Variants in LRRC4C observed in about 807,000 individuals in gnomAD.
The protein encoded by LRRC4C is leucine-rich repeat-containing protein 4C.
Under a neutral mutation model 33.6 loss-of-function variants are expected in LRRC4C, and 5 were observed. The ratio of observed to expected loss-of-function variants is 0.15; its 90% CI spans 0.08 to 0.31. LRRC4C has a LOEUF of 0.31. Among genes scored for constraint, LRRC4C ranks in the 10% least tolerant of loss-of-function variants. LRRC4C has a pLI of 1.00. For synonymous variants in LRRC4C, 329 were observed against 302.0 expected, an observed-to-expected ratio of 1.09 and a Z score of -0.93; for missense variants, 560 against 796.7, an observed-to-expected ratio of 0.70 and a Z score of 3.58.
intron 2 of LRRC4C, among the ~76,000 whole-genome samples, chr11:40,929,238 C>T (rs574147469): frequency 1.3e-5 from 2 of 152,054 alleles, no homozygotes; most frequent in Non-Finnish European, 2.9e-5. Context: ...CAAATATGGC[C>T]ATCCATGCCA....
chr11:40,461,737 ATCT>A (rs1300756305), intron 3 of LRRC4C, among the ~76,000 whole-genome samples: 6 of 149,746 alleles, frequency 4.0e-5, no homozygotes, highest in African/African-American at 9.7e-5. Context: ...TATTATAATA[ATCT>A]TCTTTAAAAT....
At chr11:40,513,290 A>G (rs1955417623) in intron 3 of LRRC4C, among the ~76,000 whole-genome samples, 1 of 150,704 alleles carries the variant, frequency 6.6e-6, no homozygotes, top group South Asian at 2.1e-4. Context: ...AAAAAAATCC[A>G]CTCTAACAAT....
intron 3 of LRRC4C, among the ~76,000 whole-genome samples, chr11:40,460,006 C>A (rs1192072489): frequency 6.6e-6 from 1 of 152,110 alleles, no homozygotes; most frequent in Non-Finnish European, 1.5e-5. Context: ...AGCAACAATG[C>A]AATTTTTCAG....
chr11:40,641,956 G>A (rs897776209), intron 3 of LRRC4C, among the ~76,000 whole-genome samples: 2 of 150,880 alleles, frequency 1.3e-5, no homozygotes, highest in East Asian at 3.9e-4. Flanking sequence ...CTTGGGTGAT[G>A]TTTCAGGTTA....
chr11:40,490,544 T>C (rs1954096351), intron 3 of LRRC4C, among the ~76,000 whole-genome samples: 1 of 152,152 alleles, frequency 6.6e-6, no homozygotes, highest in Non-Finnish European at 1.5e-5. Context: ...AGACATTCAA[T>C]GTTCTTTATT....
chr11:40,135,504 A>C (rs1317271049), intron 6 of LRRC4C, among the ~76,000 whole-genome samples: 1 of 152,200 alleles, frequency 6.6e-6, no homozygotes, highest in African/African-American at 2.4e-5. Flanking sequence ...AAAATATTTC[A>C]TGGGAAAAAA....
intron 2 of LRRC4C, among the ~76,000 whole-genome samples, chr11:40,742,966 A>G (rs1343305832): frequency 1.3e-5 from 2 of 152,104 alleles, no homozygotes; most frequent in African/African-American, 4.8e-5. Context: ...GAAATGCAAA[A>G]CAGAATGTAA....
chr11:41,256,748 G>A (rs1387456250), intron 1 of LRRC4C, among the ~76,000 whole-genome samples: 1 of 151,880 alleles, frequency 6.6e-6, no homozygotes, highest in Non-Finnish European at 1.5e-5. Flanking sequence ...AGATCACCCT[G>A]AAAATCTACA....
At chr11:40,668,526 C>A (rs1421727433) in intron 2 of LRRC4C, among the ~76,000 whole-genome samples, 2 of 152,166 alleles carry the variant, frequency 1.3e-5, no homozygotes, top group African/African-American at 4.8e-5. Flanking sequence ...TTTTCCTTGT[C>A]TCTAAAGCCA....
At chr11:40,844,238 T>TA (rs58820785) in intron 2 of LRRC4C, among the ~76,000 whole-genome samples, 14,231 of 141,302 alleles carry the variant, frequency 0.1, 803 homozygotes, top group African/African-American at 0.16. Context: ...TAAAGTATAA[T>TA]AAAAAAAAAA....
rs571697422 is a variant in LRRC4C at position 41,174,558 on chromosome 11, T to G, written c.-495-240835A>C. Among the ~76,000 whole-genome samples the G allele has an allele frequency of 1.6e-4, 25 of 152,244 alleles. No homozygotes were observed. In the South Asian group the frequency reaches 5.2e-3, roughly 32 times the overall value. On this transcript the variant is annotated intron_variant, in intron 1 of 6. Coordinates refer to ENST00000528697, the MANE Select transcript of LRRC4C (RefSeq NM_001258419.2). ...GGAATCAAATCTGCCTGGATTTTTT[T>G]TTAAATTCTGCTCTGTTTTCCAGGA... is the stretch of plus-strand genomic sequence containing the variant.
intron 3 of LRRC4C, among the ~76,000 whole-genome samples, chr11:40,389,534 A>G (rs1007676487): frequency 1.5e-4 from 23 of 152,138 alleles, no homozygotes; most frequent in Admixed American, 1.3e-4. Flanking sequence ...AAATATCTAG[A>G]AACTAGGAGG....
chr11:41,456,665 G>T (rs1956180001), intron 1 of LRRC4C, among the ~76,000 whole-genome samples: 1 of 152,030 alleles, frequency 6.6e-6, no homozygotes, highest in Admixed American at 6.6e-5. Flanking sequence ...GGGAACTTTA[G>T]CCTTTTCTTT....
At chr11:41,441,841 T>C (rs1467272521) in intron 1 of LRRC4C, among the ~76,000 whole-genome samples, 1 of 152,170 alleles carries the variant, frequency 6.6e-6, no homozygotes, top group African/African-American at 2.4e-5. Flanking sequence ...TCATTTAGGT[T>C]TCTTGAGTCA....
chr11:40,552,393 A>G (rs1957160892), intron 3 of LRRC4C, among the ~76,000 whole-genome samples: 1 of 152,212 alleles, frequency 6.6e-6, no homozygotes, highest in East Asian at 1.9e-4. Context: ...TTGTCTCCTC[A>G]ACATCATGCA....
At chr11:40,306,360 C>T (rs1945030463) in intron 4 of LRRC4C, among the ~76,000 whole-genome samples, 1 of 152,104 alleles carries the variant, frequency 6.6e-6, no homozygotes, top group African/African-American at 2.4e-5. Flanking sequence ...TCTAATAATT[C>T]CTAACACAGC....
chr11:40,139,265 C>T (rs1291228740), intron 6 of LRRC4C, among the ~76,000 whole-genome samples: 1 of 152,158 alleles, frequency 6.6e-6, no homozygotes, highest in Non-Finnish European at 1.5e-5. Flanking sequence ...GTTAAACTTG[C>T]TGCTCACAGT....
At chr11:41,448,959 T>C (rs1955928582) in intron 1 of LRRC4C, among the ~76,000 whole-genome samples, 1 of 152,248 alleles carries the variant, frequency 6.6e-6, no homozygotes. Flanking sequence ...TTTTAAAAGA[T>C]ACTTACATCT....
intron 3 of LRRC4C, among the ~76,000 whole-genome samples, chr11:40,638,130 A>G (rs915812560): frequency 6.6e-6 from 1 of 152,148 alleles, no homozygotes; most frequent in Non-Finnish European, 1.5e-5. Context: ...TACCTACTTT[A>G]TATTTTTCTG....
Sources: allele counts gnomAD v4.1 joint callset (sites outside exome capture counted in the v4.1 genomes callset), GRCh38; gene constraint gnomAD v4.1.1; transcripts MANE v1.5; gene names NCBI Gene and HGNC (gene_info 2026-07-23, HGNC 2026-07-21).